Variants in MYO18B observed in about 807,000 individuals in gnomAD.
MYO18B encodes the protein unconventional myosin-XVIIIb.
Under a neutral mutation model 273.0 loss-of-function variants are expected in MYO18B, and 204 were observed. The observed-to-expected ratio is 0.75, with a 90% CI of 0.67 to 0.84. The LOEUF (loss-of-function observed/expected upper bound fraction) is 0.84. Ranked by LOEUF, MYO18B falls within the 40% of genes least tolerant of loss-of-function variation. The pLI is 0.00. For synonymous variants in MYO18B, 1,330 were observed against 1,305.7 expected, an observed-to-expected ratio of 1.02 and a Z score of -0.40; for missense variants, 3,212 against 3,287.6, an observed-to-expected ratio of 0.98 and a Z score of 0.56.
At chr22:26,024,653 G>C (rs1601859658) in intron 42 of MYO18B, among the ~76,000 whole-genome samples, 1 of 152,194 alleles carries the variant, frequency 6.6e-6, no homozygotes. Context: ...TCTATGTCTT[G>C]TCCTCATGAA....
chr22:25,798,982 C>T (rs565706897), intron 12 of MYO18B, among the ~76,000 whole-genome samples: 29 of 152,196 alleles, frequency 1.9e-4, no homozygotes, highest in African/African-American at 6.7e-4. Flanking sequence ...CCCATTTTGA[C>T]CTGGTCTTCC....
chr22:25,946,533 C>T (rs1019190377), intron 35 of MYO18B, among the ~76,000 whole-genome samples: 15 of 152,086 alleles, frequency 9.9e-5, no homozygotes, highest in African/African-American at 1.7e-4. Flanking sequence ...AGGGCATCAG[C>T]GAGGCTCAAC....
chr22:25,810,759 A>C, intron 12 of MYO18B, among the ~76,000 whole-genome samples: 1 of 152,126 alleles, frequency 6.6e-6, no homozygotes, highest in East Asian at 2.0e-4. Flanking sequence ...AAAGCATTTT[A>C]GATTTACAGA....
At chr22:26,042,323 C>A in the MYO18B span, among the ~76,000 whole-genome samples, 1 of 152,346 alleles carries the variant, frequency 6.6e-6, no homozygotes, top group Non-Finnish European at 1.5e-5. Context: ...AAGTGCTCAG[C>A]ACAGCACGGA....
chr22:25,955,571 G>A (rs2092841067), intron 39 of MYO18B, among the ~76,000 whole-genome samples: 1 of 152,172 alleles, frequency 6.6e-6, no homozygotes, highest in African/African-American at 2.4e-5. Context: ...GCCCAAAGTG[G>A]ACCAATGACA....
chr22:25,932,576 T>C (rs1372875264), intron 34 of MYO18B, among the ~76,000 whole-genome samples: 1 of 151,804 alleles, frequency 6.6e-6, no homozygotes, highest in African/African-American at 2.4e-5. Context: ...GCCCGGCTAA[T>C]TTTTTGTATT....
chr22:25,919,655 A>G (rs2092312109), intron 33 of MYO18B, among the ~76,000 whole-genome samples: 1 of 149,968 alleles, frequency 6.7e-6, no homozygotes, highest in African/African-American at 2.5e-5. Flanking sequence ...AACTCAGTTC[A>G]GCAGGTGAGA....
At position 25,992,348 on chromosome 22, in the gene MYO18B, A is replaced by G. The variant is rs377473359; in HGVS notation, c.6157-15A>G. The G allele has an allele frequency of 4.9e-5, 79 of 1,612,894 alleles. No individual in the cohort carries two copies. Among genetic ancestry groups the G allele is most frequent in the Non-Finnish European group, 6.4e-5 (75 of 1,179,086 alleles). On this transcript the variant is annotated splice_polypyrimidine_tract_variant and intron_variant, in intron 39 of 43. Transcript: ENST00000335473. ...TTGCCCAAGGCCAACGTGTGTTTGCATCTTCTGTCCCCAGGAGAAGTACGT... is the reference window on the plus strand; with the variant it reads ...TTGCCCAAGGCCAACGTGTGTTTGCGTCTTCTGTCCCCAGGAGAAGTACGT...
At chr22:25,766,719 C>A (rs1338276858) in intron 3 of MYO18B, among the ~76,000 whole-genome samples, 1 of 152,180 alleles carries the variant, frequency 6.6e-6, no homozygotes, top group South Asian at 2.1e-4. Flanking sequence ...CAGTACAGTT[C>A]ATGCATGGGA....
intron 38 of MYO18B, chr22:25,953,629 GTC>G (rs1471830459): frequency 6.6e-6 from 1 of 152,144 alleles, no homozygotes; most frequent in Non-Finnish European, 1.5e-5. Flanking sequence ...AGGTCTGACT[GTC>G]TCTGCAGATC....
In MYO18B at chr22:25,973,027, A is replaced by G. The variant is rs1306545188; in HGVS notation, c.6156+17663A>G. ...ATCTCACCCACACAATCCACTACAC[A>G]ATTTAGCTATGGTTCCTGCCTCTGT... is the stretch of plus-strand genomic sequence containing the variant. On this transcript the variant is annotated intron_variant, in intron 39 of 43. Coordinates refer to ENST00000335473, the MANE Select transcript of MYO18B (RefSeq NM_032608.7). Among the ~76,000 whole-genome samples the G allele has an allele frequency of 2.6e-5, 4 of 151,458 alleles. No individual in the cohort carries two copies. In the East Asian group the frequency reaches 5.8e-4, roughly 22 times the overall value.
chr22:25,789,134 C>T (rs1319561231), intron 11 of MYO18B, among the ~76,000 whole-genome samples: 2 of 146,422 alleles, frequency 1.4e-5, no homozygotes, highest in Admixed American at 1.4e-4. Flanking sequence ...TCTTCCTCCT[C>T]CTCCTCCTCC....
At chr22:25,849,913 G>A (rs559231110) in intron 20 of MYO18B, among the ~76,000 whole-genome samples, 32 of 152,332 alleles carry the variant, frequency 2.1e-4, no homozygotes, top group Non-Finnish European at 3.5e-4. Context: ...GTGACCATGT[G>A]AAGATAGATC....
chr22:25,749,727 C>T (rs947608958), intron 1 of MYO18B, among the ~76,000 whole-genome samples: 11 of 152,156 alleles, frequency 7.2e-5, no homozygotes, highest in South Asian at 4.2e-4. Flanking sequence ...TCTCCTGGGA[C>T]GTTCTTTTCC....
intron 34 of MYO18B, among the ~76,000 whole-genome samples, chr22:25,938,082 C>T (rs1020393773): frequency 6.6e-6 from 1 of 152,112 alleles, no homozygotes; most frequent in Non-Finnish European, 1.5e-5. Context: ...GAATGCTTTC[C>T]CTGTGGTGTT....
At chr22:25,765,595 C>T (rs2086475087) in intron 3 of MYO18B, among the ~76,000 whole-genome samples, 1 of 152,184 alleles carries the variant, frequency 6.6e-6, no homozygotes, top group Non-Finnish European at 1.5e-5. Flanking sequence ...AACCCCTTCC[C>T]CTTTCTTGGC....
intron 12 of MYO18B, among the ~76,000 whole-genome samples, chr22:25,822,166 G>A (rs113084944): frequency 1.2e-4 from 18 of 152,292 alleles, no homozygotes; most frequent in African/African-American, 4.1e-4. Context: ...TGGTTTGCTT[G>A]GCATTCCTTT....
In MYO18B at chr22:25,936,536, T is replaced by A. The variant is rs566636110; in HGVS notation, c.5518-9601T>A. 3.9e-3 allele frequency among the ~76,000 whole-genome samples: 594 copies of A among 152,344 alleles called. 4 individuals are homozygous for A. The highest frequency in any genetic ancestry group is 0.013 in the African/African-American group (523 of 41,586). ...TGACATTGATGAGTTAACTAACCTG[T>A]CTGTGCCTCAGTTTCCTCATCTGAA... is the stretch of plus-strand genomic sequence containing the variant. On this transcript the variant is annotated intron_variant, in intron 34 of 43. Transcript: ENST00000335473.
At chr22:25,839,208 G>C (rs1047957164) in intron 17 of MYO18B, among the ~76,000 whole-genome samples, 1 of 151,692 alleles carries the variant, frequency 6.6e-6, no homozygotes, top group African/African-American at 2.4e-5. Context: ...ATGTGTGCAC[G>C]TGTGTATATG....
Sources: gnomAD v4.1 joint callset for allele counts (sites outside exome capture counted in the v4.1 genomes callset) on GRCh38, gnomAD v4.1.1 for gene constraint, MANE v1.5 for transcripts, NCBI Gene and HGNC (gene_info 2026-07-23, HGNC 2026-07-21) for gene names.